The following ICA1 variants were observed in gnomAD, a reference collection of about 807,000 sequenced individuals.
ICA1 encodes islet cell autoantigen 1, also known as 69 kDa islet cell autoantigen.
A neutral mutation model predicts 71.0 loss-of-function variants in ICA1; 40 were observed. That is an observed-to-expected ratio of 0.56 (90% CI 0.44 to 0.73). ICA1 has a LOEUF of 0.73. Ranked by LOEUF, ICA1 falls within the 30% of genes least tolerant of loss-of-function variation. ICA1 has a pLI of 0.00. For missense variants in ICA1, 578 were observed against 576.5 expected (o/e 1.00, Z -0.03); for synonymous variants, 207 against 209.5 (o/e 0.99, Z 0.10).
rs373346156 is a variant in ICA1, at chr7:8,113,871, C to T, written c.*52G>A. 3.4e-5 allele frequency: 54 copies of T among 1,606,464 alleles called. No homozygotes were observed. The African/African-American group carries it at 6.7e-4, about 20-fold the overall frequency. ...GATCACTTTATACTTCTGCTAGCCC[C>T]CAGGGGAGCTGCTGGGGGCGGCATG... On this transcript the variant is annotated 3_prime_UTR_variant, in exon 14 of 14. Coordinates refer to ENST00000402384, the MANE Select transcript of ICA1 (RefSeq NM_001136020.3). The surrounding 1 kb of genome is among the most constrained non-coding windows in gnomAD (Gnocchi z 4.2).
At chr7:8,219,777 C>CTGA (rs1309227554) in intron 5 of ICA1, among the ~76,000 whole-genome samples, 1 of 152,246 alleles carries the variant, frequency 6.6e-6, no homozygotes, top group Non-Finnish European at 1.5e-5. Flanking sequence ...GTTTGTGTAA[C>CTGA]TGATGACTTC....
rs1791732596 is a variant in ICA1, at chr7:8,132,254, C to G, written c.1061-4112G>C. ...CCTCCTTCCTGAAGCCTGCTCTGTT[C>G]CCACCATTATTCAGATCCAGCACCT... On this transcript the variant is annotated intron_variant, in intron 12 of 13. Transcript: ENST00000402384. The surrounding 1 kb of genome is among the most constrained non-coding windows in gnomAD (Gnocchi z 4.5). Among the ~76,000 whole-genome samples, 2 of 152,174 alleles carry G rather than the reference C, an allele frequency of 1.3e-5. No homozygotes were observed. The highest frequency in any genetic ancestry group is 1.3e-4 in the Admixed American group (2 of 15,288).
intron 8 of ICA1, among the ~76,000 whole-genome samples, chr7:8,146,809 G>A (rs1008321924): frequency 1.2e-4 from 18 of 145,190 alleles, no homozygotes; most frequent in Non-Finnish European, 2.3e-4. Flanking sequence ...TAGATGTCAA[G>A]GATGTACTCT....
intron 6 of ICA1, among the ~76,000 whole-genome samples, chr7:8,204,135 G>A (rs1425869716): frequency 6.6e-6 from 1 of 152,134 alleles, no homozygotes; most frequent in East Asian, 1.9e-4. Context: ...AGAAAAACGA[G>A]TTCAGAGGAC....
intron 6 of ICA1, among the ~76,000 whole-genome samples, chr7:8,205,731 A>C (rs1436430811): frequency 1.3e-5 from 2 of 152,248 alleles, no homozygotes; most frequent in African/African-American, 2.4e-5. Context: ...AGACTCCCAA[A>C]GAAAAGGAAC....
chr7:8,135,452 A>G (rs1379188707), intron 12 of ICA1, among the ~76,000 whole-genome samples: 1 of 152,190 alleles, frequency 6.6e-6, no homozygotes, highest in Non-Finnish European at 1.5e-5. Context: ...ACATCCCAGG[A>G]TGCTGAGGAA....
intron 12 of ICA1, among the ~76,000 whole-genome samples, chr7:8,138,526 G>T (rs2128113158): frequency 6.6e-6 from 1 of 152,234 alleles, no homozygotes; most frequent in South Asian, 2.1e-4. Context: ...GCCATTTATG[G>T]TAAAACCAGT....
intron 9 of ICA1, 165 bp from the exon 10 acceptor site, chr7:8,141,982 G>A (rs751635938): frequency 3.3e-6 from 5 of 1,505,104 alleles, no homozygotes; most frequent in Non-Finnish European, 3.6e-6. Flanking sequence ...CCAATTTGCT[G>A]GCCTTCTTTC....
In ICA1 at chr7:8,167,010, G is replaced by C. The variant is rs1470972613; in HGVS notation, c.580-8358C>G. Reference sequence around the variant, plus strand: ...GTGAGGCTGCAGAAAAAAGGAATGTGTATATACTGCTGGTGGGAATGTAAA... The same window carrying C: ...GTGAGGCTGCAGAAAAAAGGAATGTCTATATACTGCTGGTGGGAATGTAAA... On this transcript the variant is annotated intron_variant, in intron 6 of 13. Coordinates refer to ENST00000402384, the MANE Select transcript of ICA1 (RefSeq NM_001136020.3). Among the ~76,000 whole-genome samples the C allele has an allele frequency of 2.0e-5, 3 of 152,144 alleles. No homozygotes were observed. In the East Asian group the frequency reaches 5.8e-4, roughly 29 times the overall value.
intron 6 of ICA1, among the ~76,000 whole-genome samples, chr7:8,175,475 C>T (rs1780298120): frequency 6.6e-6 from 1 of 152,100 alleles, no homozygotes; most frequent in East Asian, 1.9e-4. Flanking sequence ...ATTGAATCAT[C>T]CAGATAATAC....
intron 13 of ICA1, among the ~76,000 whole-genome samples, chr7:8,121,311 G>A (rs1786829271): frequency 6.6e-6 from 1 of 152,132 alleles, no homozygotes; most frequent in South Asian, 2.1e-4. Context: ...AAGTACTTTT[G>A]AACATTTACT....
intron 13 of ICA1, 129 bp from the exon 14 acceptor site, chr7:8,114,173 C>G: frequency 9.8e-7 from 1 of 1,017,370 alleles, no homozygotes; most frequent in Admixed American, 2.1e-5. Context: ...TTTGCACTCT[C>G]TCTGACAATA....
intron 6 of ICA1, among the ~76,000 whole-genome samples, chr7:8,202,064 G>A (rs921233339): frequency 1.8e-4 from 27 of 152,144 alleles, no homozygotes; most frequent in African/African-American, 6.0e-4. Context: ...TTCTGAAAGG[G>A]CATCCAAAAA....
intron 13 of ICA1, among the ~76,000 whole-genome samples, chr7:8,120,564 G>A (rs752488961): frequency 1.3e-5 from 2 of 152,158 alleles, no homozygotes; most frequent in Non-Finnish European, 2.9e-5. Context: ...TAACATGAAG[G>A]TGTGGCTAGA....
chr7:8,231,187 G>A (rs1046611745), intron 3 of ICA1, among the ~76,000 whole-genome samples: 5 of 152,166 alleles, frequency 3.3e-5, no homozygotes, highest in Non-Finnish European at 7.3e-5. Flanking sequence ...CAGTGTCCAG[G>A]TGGAAGCCAG....
intron 13 of ICA1, among the ~76,000 whole-genome samples, chr7:8,124,607 G>A (rs1288691635): frequency 6.6e-6 from 1 of 152,136 alleles, no homozygotes; most frequent in Non-Finnish European, 1.5e-5. Context: ...CGTGTTGAAG[G>A]ATCCCTGAAC....
chr7:8,209,060 C>A (rs1457801860), intron 6 of ICA1, among the ~76,000 whole-genome samples: 3 of 152,158 alleles, frequency 2.0e-5, no homozygotes, highest in Admixed American at 6.5e-5. Context: ...TACACCTAAA[C>A]CTTAGGAAGA....
chr7:8,166,263 A>C (rs1261386546), intron 6 of ICA1, among the ~76,000 whole-genome samples: 1 of 152,204 alleles, frequency 6.6e-6, no homozygotes, highest in Non-Finnish European at 1.5e-5. Flanking sequence ...TATGCACATA[A>C]GGCAAAAGCA....
At chr7:8,168,182 G>A (rs142557609) in intron 6 of ICA1, among the ~76,000 whole-genome samples, 5,522 of 152,176 alleles carry the variant, frequency 0.036, 120 homozygotes, top group Non-Finnish European at 0.05. Context: ...TGTGGAATCC[G>A]GATAGCACAG....
Sources: gnomAD v4.1 joint callset for allele counts (sites outside exome capture counted in the v4.1 genomes callset) on GRCh38, gnomAD v4.1.1 for gene constraint, Gnocchi (gnomAD v3.1) non-coding constraint, MANE v1.5 for transcripts, NCBI Gene and HGNC (gene_info 2026-07-23, HGNC 2026-07-21) for gene names.